IL12RB2: variants seen among roughly 807,000 people sequenced by gnomAD.
The protein encoded by IL12RB2 is interleukin-12 receptor subunit beta-2.
Under a neutral mutation model 89.4 loss-of-function variants are expected in IL12RB2, and 82 were observed. That is an observed-to-expected ratio of 0.92 (90% confidence interval 0.77 to 1.10). The LOEUF (loss-of-function observed/expected upper bound fraction) is 1.10. Among genes scored for constraint, IL12RB2 ranks in the 50% least tolerant of loss-of-function variants. The pLI is 0.00. For missense variants in IL12RB2, 963 were observed against 1,031.9 expected (o/e 0.93, Z 0.92); for synonymous variants, 368 against 370.1 (o/e 0.99, Z 0.07).
intron 10 of IL12RB2, among the ~76,000 whole-genome samples, chr1:67,358,000 A>T (rs947244774): frequency 6.6e-6 from 1 of 152,204 alleles, no homozygotes; most frequent in Non-Finnish European, 1.5e-5. Context: ...AATGAAAGAA[A>T]AACATAAGAT....
At chr1:67,370,317 T>C (rs1295253671) in intron 11 of IL12RB2, among the ~76,000 whole-genome samples, 2 of 152,082 alleles carry the variant, frequency 1.3e-5, no homozygotes, top group East Asian at 3.9e-4. Flanking sequence ...TATAGGTTGG[T>C]GGAGGCTAGG....
intron 16 of IL12RB2, among the ~76,000 whole-genome samples, chr1:67,393,304 C>T (rs371456550): frequency 2.6e-5 from 4 of 152,174 alleles, no homozygotes; most frequent in African/African-American, 7.2e-5. Flanking sequence ...CTTGTAAAAG[C>T]TTAAAATAGT....
chr1:67,372,397 A>T (rs1425940013), intron 11 of IL12RB2, 39 bp from the exon 12 acceptor site: 8 of 1,070,138 alleles, frequency 7.5e-6, no homozygotes, highest in African/African-American at 1.6e-5. Context: ...ACTCACCAGT[A>T]ATGGCACGGC....
intron 9 of IL12RB2, among the ~76,000 whole-genome samples, chr1:67,348,524 T>C (rs1660483785): frequency 6.6e-6 from 1 of 152,168 alleles, no homozygotes; most frequent in South Asian, 2.1e-4. Context: ...ACTTATAAAA[T>C]GAATCATTGA....
At chr1:67,333,521 A>G (rs114072883) in intron 8 of IL12RB2, among the ~76,000 whole-genome samples, 203 of 151,300 alleles carry the variant, frequency 1.3e-3, no homozygotes, top group Admixed American at 2.5e-3. Flanking sequence ...GTAGTTGTTT[A>G]TATCATTTGA....
intron 15 of IL12RB2, among the ~76,000 whole-genome samples, chr1:67,387,208 G>A (rs932237124): frequency 1.3e-5 from 2 of 151,646 alleles, no homozygotes; most frequent in Non-Finnish European, 2.9e-5. Flanking sequence ...GGGATTACAG[G>A]TATGAGCCAC....
chr1:67,360,980 A>G (rs950667239), intron 10 of IL12RB2, among the ~76,000 whole-genome samples: 3 of 150,940 alleles, frequency 2.0e-5, no homozygotes, highest in African/African-American at 7.3e-5. Flanking sequence ...CCCAACTCCA[A>G]TCCCCTCTAT....
At chr1:67,347,874 G>A (rs59841888) in intron 9 of IL12RB2, among the ~76,000 whole-genome samples, 1 of 152,144 alleles carries the variant, frequency 6.6e-6, no homozygotes, top group African/African-American at 2.4e-5. Flanking sequence ...ACATCCACCA[G>A]AGGGCACTCA....
rs1109918 is a variant in IL12RB2, at chr1:67,396,799, A to G, written c.*710A>G. ...AAACACCAAGGTAAAAGGGCCCCCA[A>G]GGTGGTCATGACTGGTCTCATTTGC... On this transcript the variant is annotated 3_prime_UTR_variant, in exon 17 of 17. Coordinates refer to ENST00000674203, the MANE Select transcript of IL12RB2 (RefSeq NM_001374259.2). The G allele has an allele frequency of 0.013, 2,041 of 152,628 alleles. 27 individuals carry two copies. The highest frequency in any genetic ancestry group is 0.031 in the Middle Eastern group (9 of 294). The allele number at this position is 152,628 out of a possible 1,614,324, so 9.5% of individuals were successfully genotyped here.
chr1:67,342,209 G>GT (rs962799273), intron 9 of IL12RB2, among the ~76,000 whole-genome samples: 19 of 150,578 alleles, frequency 1.3e-4, no homozygotes, highest in East Asian at 3.9e-4. Context: ...TGTTTTTTGG[G>GT]TTTTTTTTGT....
At chr1:67,327,104 G>A (rs17838041) in intron 5 of IL12RB2, among the ~76,000 whole-genome samples, 3,362 of 151,872 alleles carry the variant, frequency 0.022, 66 homozygotes, top group Middle Eastern at 0.044. Flanking sequence ...GGGATTACAG[G>A]CACCCACCAC....
intron 8 of IL12RB2, among the ~76,000 whole-genome samples, chr1:67,336,695 G>A (rs1333175012): frequency 1.3e-5 from 2 of 152,226 alleles, no homozygotes; most frequent in African/African-American, 4.8e-5. Context: ...CCAACTGATG[G>A]GGGATGGAAG....
chr1:67,396,493 C>G lies in IL12RB2; in HGVS notation c.*404C>G, dbSNP rs1317097624. On this transcript the variant is annotated 3_prime_UTR_variant, in exon 17 of 17. Transcript: ENST00000674203. ...CACCTGCTACACAGCAGGCTGTACA[C>G]AGCAGATCAGTACTGTTCAACAGAA... The G allele has an allele frequency of 2.9e-6, 1 of 340,784 alleles. No individual in the cohort carries two copies. Among genetic ancestry groups the G allele is most frequent in the African/African-American group, 2.1e-5 (1 of 47,050 alleles). The allele number at this position is 340,784 out of a possible 1,614,324, so 21.1% of individuals were successfully genotyped here.
chr1:67,359,614 C>G (rs951091054), intron 10 of IL12RB2, among the ~76,000 whole-genome samples: 2 of 151,978 alleles, frequency 1.3e-5, no homozygotes, highest in Non-Finnish European at 2.9e-5. Flanking sequence ...CTCAGCTACT[C>G]CAGAGGCTGG....
At chr1:67,376,358 CG>C (rs1663988131) in intron 13 of IL12RB2, among the ~76,000 whole-genome samples, 1 of 152,134 alleles carries the variant, frequency 6.6e-6, no homozygotes, top group Admixed American at 6.5e-5. Flanking sequence ...CAATGTAGAT[CG>C]TTAAAAACTT....
intron 16 of IL12RB2, 67 bp downstream of exon 16, chr1:67,390,195 T>G: frequency 1.2e-6 from 1 of 840,432 alleles, no homozygotes; most frequent in Non-Finnish European, 2.1e-6. Flanking sequence ...AGTTTTCCAT[T>G]GTAGTTACGA....
intron 16 of IL12RB2, among the ~76,000 whole-genome samples, chr1:67,391,388 T>TACACCC (rs1665805093): frequency 6.9e-6 from 1 of 144,434 alleles, no homozygotes; most frequent in African/African-American, 2.6e-5. Context: ...TGTGTGTCTA[T>TACACCC]ACACACACAC....
chr1:67,326,943 T>TTTTATTTATTTATTTATTTA (rs549096467), intron 5 of IL12RB2, 94 bp downstream of exon 5: 180 of 696,798 alleles, frequency 2.6e-4, no homozygotes, highest in Admixed American at 1.9e-3. Context: ...TTTTATTTTA[T>TTTTATTTATTTATTTATTTA]TTTATTTATT....
chr1:67,332,998 T>C (rs1658292524), intron 8 of IL12RB2, among the ~76,000 whole-genome samples: 1 of 152,342 alleles, frequency 6.6e-6, no homozygotes, highest in Non-Finnish European at 1.5e-5. Context: ...ATCATAACAA[T>C]GAGTATAGCA....
Sources: allele counts gnomAD v4.1 joint callset (sites outside exome capture counted in the v4.1 genomes callset), GRCh38; gene constraint gnomAD v4.1.1; transcripts MANE v1.5; gene names NCBI Gene and HGNC (gene_info 2026-07-23, HGNC 2026-07-21).